The following RAB1A variants were observed in gnomAD, a reference collection of about 807,000 sequenced individuals.
RAB1A encodes RAB1A, member RAS oncogene family.
In RAB1A, 2 loss-of-function variants were observed where a neutral mutation model predicts 26.0. The ratio of observed to expected loss-of-function variants is 0.08; its 90% CI spans 0.03 to 0.24. The LOEUF (loss-of-function observed/expected upper bound fraction) is 0.24. Ranked by LOEUF, RAB1A falls within the 10% of genes least tolerant of loss-of-function variation. RAB1A has a pLI of 1.00. For missense variants in RAB1A, 100 were observed against 247.0 expected, an observed-to-expected ratio of 0.40 and a Z score of 3.99; for synonymous variants, 84 against 84.9, an observed-to-expected ratio of 0.99 and a Z score of 0.06.
At chr2:65,125,725 T>G (rs1223105759) in intron 1 of RAB1A, among the ~76,000 whole-genome samples, 2 of 151,946 alleles carry the variant, frequency 1.3e-5, no homozygotes, top group African/African-American at 4.8e-5. Context: ...TGTTAAGCAT[T>G]TCTTAATGTG....
Position 65,109,070 on chromosome 2 carries a change from T to C in RAB1A, c.24-4264A>G, listed in dbSNP as rs112562813. Among the ~76,000 whole-genome samples, 1,123 of 152,304 alleles carry C rather than the reference T, an allele frequency of 7.4e-3. 15 individuals are homozygous for C. Among genetic ancestry groups the C allele is most frequent in the African/African-American group, 0.026 (1,063 of 41,564 alleles). On this transcript the variant is annotated intron_variant, in intron 1 of 5. Transcript: ENST00000409784. ...GTGATCAGTGACACGTTAACTTGCA[T>C]TGGGACATTTTAAATTACCTACTAC... is the stretch of plus-strand genomic sequence containing the variant.
At chr2:65,117,785 G>A (rs1340046210) in intron 1 of RAB1A, among the ~76,000 whole-genome samples, 1 of 146,964 alleles carries the variant, frequency 6.8e-6, no homozygotes, top group Non-Finnish European at 1.5e-5. Context: ...TGCCCAGGTT[G>A]GTCTCAAACT....
chr2:65,121,938 C>A (rs951552570), intron 1 of RAB1A, among the ~76,000 whole-genome samples: 1 of 152,104 alleles, frequency 6.6e-6, no homozygotes. Context: ...GCAGGCGGAT[C>A]ACCTGAGGTC....
At chr2:65,094,380 T>A (rs536559096) in intron 3 of RAB1A, among the ~76,000 whole-genome samples, 14 of 151,336 alleles carry the variant, frequency 9.3e-5, no homozygotes, top group African/African-American at 3.1e-4. Context: ...AGGTCGGGAG[T>A]TCGAGACCAG....
chr2:65,098,532 AT>A (rs34637428), intron 2 of RAB1A, among the ~76,000 whole-genome samples: 95,681 of 150,878 alleles, frequency 0.63, 30,717 homozygotes, highest in Non-Finnish European at 0.69. Flanking sequence ...CCTAATTATG[AT>A]TTTTTTTTTT....
chr2:65,099,504 C>T (rs1029579465), intron 2 of RAB1A, among the ~76,000 whole-genome samples: 2 of 152,184 alleles, frequency 1.3e-5, no homozygotes, highest in Admixed American at 6.5e-5. Flanking sequence ...CTAATGAGAA[C>T]GGCACTGCCA....
chr2:65,093,684 G>A (rs1328095367), intron 3 of RAB1A, among the ~76,000 whole-genome samples: 3 of 149,730 alleles, frequency 2.0e-5, no homozygotes, highest in Admixed American at 6.7e-5. Flanking sequence ...GTGCAATGGC[G>A]CAATCTTGGC....
At chr2:65,103,577 T>A (rs1669485899) in intron 2 of RAB1A, among the ~76,000 whole-genome samples, 2 of 152,074 alleles carry the variant, frequency 1.3e-5, no homozygotes. Context: ...AGAGCCAATG[T>A]CATCACTGAA....
intron 2 of RAB1A, among the ~76,000 whole-genome samples, chr2:65,098,456 C>T (rs1669339646): frequency 6.6e-6 from 1 of 152,090 alleles, no homozygotes; most frequent in South Asian, 2.1e-4. Context: ...TGCGACCCAC[C>T]CACCCAATTT....
intron 2 of RAB1A, among the ~76,000 whole-genome samples, chr2:65,100,230 T>A (rs979497448): frequency 1.2e-4 from 18 of 151,118 alleles, no homozygotes; most frequent in African/African-American, 4.4e-4. Context: ...TGAAACCTCA[T>A]CTCTATTAAA....
chr2:65,090,328 G>A (rs1049535585), intron 4 of RAB1A, among the ~76,000 whole-genome samples: 5 of 151,916 alleles, frequency 3.3e-5, no homozygotes, highest in African/African-American at 4.8e-5. Flanking sequence ...AATTTTGAAC[G>A]TTTATCTTTT....
At chr2:65,094,359 C>A (rs931162492) in intron 3 of RAB1A, among the ~76,000 whole-genome samples, 1 of 152,140 alleles carries the variant, frequency 6.6e-6, no homozygotes, top group Admixed American at 6.5e-5. Context: ...CCAAGGCAGG[C>A]GGATCACCTG....
intron 4 of RAB1A, among the ~76,000 whole-genome samples, chr2:65,089,443 T>C (rs187934826): frequency 2.0e-5 from 3 of 152,206 alleles, no homozygotes; most frequent in Admixed American, 2.0e-4. Flanking sequence ...CTCGAACTCC[T>C]GAGCTCAATC....
At chr2:65,099,028 G>C (rs1669357418) in intron 2 of RAB1A, among the ~76,000 whole-genome samples, 1 of 151,724 alleles carries the variant, frequency 6.6e-6, no homozygotes, top group Non-Finnish European at 1.5e-5. Context: ...GTAGAGACAG[G>C]GTTTCGTGAT....
chr2:65,129,090 T>A (rs531481240), intron 1 of RAB1A, among the ~76,000 whole-genome samples: 1 of 151,802 alleles, frequency 6.6e-6, no homozygotes, highest in African/African-American at 2.4e-5. Flanking sequence ...TCTTTCAACT[T>A]GACAGCAAGC....
Position 65,129,754 on chromosome 2 carries a change from G to C in RAB1A, c.23+139C>G, listed in dbSNP as rs1181089471. On this transcript the variant is annotated intron_variant, in intron 1 of 5. Transcript: ENST00000409784. Reference sequence around the variant, plus strand: ...CGTCAGACAATGGGGCCCGACTCCCGGCCGCCAGCCTCTCCTGACCCATCA... The same window carrying C: ...CGTCAGACAATGGGGCCCGACTCCCCGCCGCCAGCCTCTCCTGACCCATCA... The C allele has an allele frequency of 4.4e-6, 6 of 1,361,976 alleles. No homozygotes were observed. The African/African-American group carries it at 8.8e-5, about 20-fold the overall frequency. The allele number at this position is 1,361,976 out of a possible 1,614,324, so 84.4% of individuals were successfully genotyped here. A position where few individuals can be genotyped will look rare whatever the true frequency, so the allele number is the denominator to read the frequency against.
chr2:65,100,673 C>T (rs544646412), intron 2 of RAB1A, among the ~76,000 whole-genome samples: 26 of 149,492 alleles, frequency 1.7e-4, no homozygotes, highest in African/African-American at 6.2e-4. Flanking sequence ...GATGGAGAAT[C>T]GCTTGAACCC....
In RAB1A at chr2:65,122,111, G is replaced by T. The variant is rs113728356; in HGVS notation, c.23+7782C>A. ...ACAGACGTTGCAGTAAGCCAAGATT[G>T]TGCCACTGCACTCCAGCCTGGGTGA... On this transcript the variant is annotated intron_variant, in intron 1 of 5. Coordinates refer to ENST00000409784, the MANE Select transcript of RAB1A (RefSeq NM_004161.5). Among the ~76,000 whole-genome samples, 612 of 129,210 alleles carry T rather than the reference G, an allele frequency of 4.7e-3. 6 individuals carry two copies. The highest frequency in any genetic ancestry group is 0.017 in the African/African-American group (588 of 34,900). 84.8% of individuals were successfully genotyped at this position (129,210 alleles called of 152,430 possible).
chr2:65,123,403 C>T (rs1292126192), intron 1 of RAB1A, among the ~76,000 whole-genome samples: 4 of 151,750 alleles, frequency 2.6e-5, no homozygotes, highest in Admixed American at 6.6e-5. Context: ...CTCCTGACCT[C>T]GTGATTCGCC....
Sources: gnomAD v4.1 joint callset for allele counts (sites outside exome capture counted in the v4.1 genomes callset) on GRCh38, gnomAD v4.1.1 for gene constraint, MANE v1.5 for transcripts, NCBI Gene and HGNC (gene_info 2026-07-23, HGNC 2026-07-21) for gene names.